The following TMOD1 variants were observed in gnomAD, a reference collection of about 807,000 sequenced individuals.
TMOD1 encodes tropomodulin 1.
In TMOD1, 17 loss-of-function variants were observed where a neutral mutation model predicts 40.6. The observed-to-expected ratio is 0.42, with a 90% CI of 0.29 to 0.63. TMOD1 has a LOEUF of 0.63. Ranked by LOEUF, TMOD1 falls within the 20% of genes least tolerant of loss-of-function variation. The pLI is 0.22. For missense variants in TMOD1, 391 were observed against 447.6 expected, an observed-to-expected ratio of 0.87 and a Z score of 1.14; for synonymous variants, 181 against 175.0, an observed-to-expected ratio of 1.03 and a Z score of -0.27.
At chr9:97,511,085 G>GACACACACAC (rs57982813) in intron 1 of TMOD1, among the ~76,000 whole-genome samples, 2 of 144,318 alleles carry the variant, frequency 1.4e-5, no homozygotes, top group African/African-American at 2.5e-5. Context: ...CACACACACA[G>GACACACACAC]ACACACACAC....
At chr9:97,538,252 G>T (rs1262190691) in intron 2 of TMOD1, among the ~76,000 whole-genome samples, 2 of 152,120 alleles carry the variant, frequency 1.3e-5, no homozygotes, top group Admixed American at 1.3e-4. Context: ...ATGATAAAAA[G>T]ATCATCCAGG....
At chr9:97,563,777 G>A (rs1409059551) in intron 5 of TMOD1, among the ~76,000 whole-genome samples, 1 of 152,210 alleles carries the variant, frequency 6.6e-6, no homozygotes, top group Admixed American at 6.5e-5. Context: ...CCTTACAGAT[G>A]TAGACCCAAG....
At chr9:97,568,015 AC>A (rs1209561978) in intron 7 of TMOD1, among the ~76,000 whole-genome samples, 1 of 151,490 alleles carries the variant, frequency 6.6e-6, no homozygotes, top group East Asian at 2.0e-4. Context: ...TGTCATCTAC[AC>A]CCCCTGGCTG....
At chr9:97,575,964 T>G (rs540809747) in intron 8 of TMOD1, among the ~76,000 whole-genome samples, 17 of 152,324 alleles carry the variant, frequency 1.1e-4, no homozygotes, top group Admixed American at 9.2e-4. Context: ...ACCTAGCAGT[T>G]TTGATTTCCG....
At position 97,599,993 on chromosome 9, in the gene TMOD1, C is replaced by A; in HGVS notation, c.*295C>A. The A allele has an allele frequency of 8.5e-7, 1 of 1,180,882 alleles. No homozygotes were observed. The highest frequency in any genetic ancestry group is 1.1e-6 in the Non-Finnish European group (1 of 945,688). The allele number at this position is 1,180,882 out of a possible 1,614,324, so 73.2% of individuals were successfully genotyped here. A position where few individuals can be genotyped will look rare whatever the true frequency, so the allele number is the denominator to read the frequency against. ...GATGTTCCAGCAGCAGCGACTTAGC[C>A]CCAGGAGCCCAGTTTCAATGGCCTT... is the stretch of plus-strand genomic sequence containing the variant. On this transcript the variant is annotated 3_prime_UTR_variant, in exon 10 of 10. Transcript: ENST00000259365.
Position 97,520,423 on chromosome 9 carries a change from ACT to A in TMOD1, c.-48-3717_-48-3716del, listed in dbSNP as rs143573844. On this transcript the variant is annotated intron_variant, in intron 1 of 9. Coordinates refer to ENST00000259365, the MANE Select transcript of TMOD1 (RefSeq NM_003275.4). The stretch of plus-strand genomic sequence containing the variant: ...AGTTTGCAGTGGGCTCTCTGAACAC[ACT>A]GTTTTCGCCTCCCTCCCACCCTGTG... Among the ~76,000 whole-genome samples the A allele has an allele frequency of 5.3e-3, 812 of 152,252 alleles. 14 individuals are homozygous for A. Among genetic ancestry groups the A allele is most frequent in the East Asian group, 0.034 (178 of 5,178 alleles).
chr9:97,572,968 C>G (rs1259749251), intron 8 of TMOD1, among the ~76,000 whole-genome samples: 1 of 152,220 alleles, frequency 6.6e-6, no homozygotes, highest in Non-Finnish European at 1.5e-5. Flanking sequence ...CCAGAAGGCA[C>G]TGAGACAACA....
intron 8 of TMOD1, among the ~76,000 whole-genome samples, chr9:97,571,083 G>A (rs1365550438): frequency 6.6e-6 from 1 of 152,166 alleles, no homozygotes; most frequent in Non-Finnish European, 1.5e-5. Flanking sequence ...CAGAGCAGAT[G>A]GAACAAAGGC....
At chr9:97,539,527 G>A (rs941343690) in intron 2 of TMOD1, among the ~76,000 whole-genome samples, 1 of 152,178 alleles carries the variant, frequency 6.6e-6, no homozygotes, top group African/African-American at 2.4e-5. Flanking sequence ...CACATGAAGA[G>A]CCCTCTTGCC....
At chr9:97,553,509 A>G in intron 4 of TMOD1, 109 bp downstream of exon 4, 1 of 1,444,104 alleles carries the variant, frequency 6.9e-7, no homozygotes, top group Non-Finnish European at 9.6e-7. Context: ...TATTTCTAAC[A>G]AGAACTAGAG....
At chr9:97,559,772 T>TAAAAAAAAAA (rs58522887) in intron 4 of TMOD1, among the ~76,000 whole-genome samples, 1 of 36,846 alleles carries the variant, frequency 2.7e-5, no homozygotes, top group African/African-American at 1.1e-4. Flanking sequence ...CTCAAAAATT[T>TAAAAAAAAAA]AAAAAAAAAA....
intron 8 of TMOD1, 140 bp downstream of exon 8, chr9:97,569,177 T>TC: frequency 1.9e-6 from 2 of 1,050,726 alleles, no homozygotes; most frequent in Non-Finnish European, 2.7e-6. Context: ...CCAAGGTCCC[T>TC]AAAGTTCACA....
Position 97,600,929 on chromosome 9 carries a change from G to T in TMOD1, c.*1231G>T. 8.7e-7 allele frequency: 1 copy of T among 1,155,442 alleles called. No individual in the cohort carries two copies. The highest frequency in any genetic ancestry group is 1.1e-6 in the Non-Finnish European group (1 of 915,490). The allele number at this position is 1,155,442 out of a possible 1,614,324, so 71.6% of individuals were successfully genotyped here. A position where few individuals can be genotyped will look rare whatever the true frequency, so the allele number is the denominator to read the frequency against. On this transcript the variant is annotated 3_prime_UTR_variant, in exon 10 of 10. Coordinates refer to ENST00000259365, the MANE Select transcript of TMOD1 (RefSeq NM_003275.4). ...ACTAATATTTTTGTTTGTTGCTTTT[G>T]GGAGTTATTTTCATTAGTGATTTCA...
chr9:97,501,551 G>T (rs7028467), upstream of TMOD1: 2,456 of 150,754 alleles, frequency 0.016, 30 homozygotes, highest in Non-Finnish European at 0.026. Context: ...GAGTGGAGGG[G>T]GGGGGAAGGA....
intron 1 of TMOD1, among the ~76,000 whole-genome samples, chr9:97,511,492 A>G (rs1829697452): frequency 6.6e-6 from 1 of 152,190 alleles, no homozygotes; most frequent in South Asian, 2.1e-4. Context: ...GACCTCATCT[A>G]GGGCTCTGCC....
At chr9:97,509,472 G>A (rs1047435124) in intron 1 of TMOD1, among the ~76,000 whole-genome samples, 1 of 150,926 alleles carries the variant, frequency 6.6e-6, no homozygotes, top group African/African-American at 2.4e-5. Context: ...CCGTTTTGGG[G>A]GTTTTGGGTT....
chr9:97,590,621 GT>G (rs967244057), intron 8 of TMOD1, among the ~76,000 whole-genome samples: 21 of 144,656 alleles, frequency 1.5e-4, no homozygotes, highest in East Asian at 4.0e-4. Context: ...GGGTCTTTCT[GT>G]TTTTTTTTTT....
chr9:97,596,321 T>C (rs192142094), intron 9 of TMOD1, among the ~76,000 whole-genome samples: 4 of 152,126 alleles, frequency 2.6e-5, no homozygotes, highest in Admixed American at 2.0e-4. Context: ...GCTTGCCTTG[T>C]CACCCCTCCA....
Position 97,600,786 on chromosome 9 carries a change from TGTA to T in TMOD1, c.*1092_*1094del, listed in dbSNP as rs1390264299. The T allele has an allele frequency of 9.8e-7, 1 of 1,019,694 alleles. No homozygotes were observed. Among genetic ancestry groups the T allele is most frequent in the Non-Finnish European group, 1.2e-6 (1 of 849,924 alleles). 63.2% of individuals were successfully genotyped at this position (1,019,694 alleles called of 1,614,324 possible). On this transcript the variant is annotated 3_prime_UTR_variant, in exon 10 of 10. Coordinates refer to ENST00000259365, the MANE Select transcript of TMOD1 (RefSeq NM_003275.4). ...CCACCCCAAGATGATTACACTGAAATGTAGTATTAGTACTGCTGCCAGATCTCT... is the reference window on the plus strand; with the variant it reads ...CCACCCCAAGATGATTACACTGAAATGTATTAGTACTGCTGCCAGATCTCT...
Sources: allele counts gnomAD v4.1 joint callset (sites outside exome capture counted in the v4.1 genomes callset), GRCh38; gene constraint gnomAD v4.1.1; transcripts MANE v1.5; gene names NCBI Gene and HGNC (gene_info 2026-07-23, HGNC 2026-07-21).